The following INSYN2B variants were observed in gnomAD, a reference collection of about 807,000 sequenced individuals.
The protein encoded by INSYN2B is protein INSYN2B.
In INSYN2B, 16 loss-of-function variants were observed where a neutral mutation model predicts 41.2. That is an observed-to-expected ratio of 0.39 (90% confidence interval 0.26 to 0.59). INSYN2B has a LOEUF of 0.59. Among genes scored for constraint, INSYN2B ranks in the 20% least tolerant of loss-of-function variants. INSYN2B has a pLI of 0.57. For missense variants in INSYN2B, 608 were observed against 646.4 expected, an observed-to-expected ratio of 0.94 and a Z score of 0.64; for synonymous variants, 245 against 244.4, an observed-to-expected ratio of 1.00 and a Z score of -0.02.
chr5:169,966,777 G>A (rs1487397968), intron 1 of INSYN2B, among the ~76,000 whole-genome samples: 1 of 152,150 alleles, frequency 6.6e-6, no homozygotes, highest in African/African-American at 2.4e-5. Context: ...GAATGGCCAG[G>A]ACTCCATGAG....
chr5:169,891,118 A>G (rs758675704), intron 1 of INSYN2B, among the ~76,000 whole-genome samples: 1 of 152,044 alleles, frequency 6.6e-6, no homozygotes, highest in African/African-American at 2.4e-5. Context: ...TTTCTGTGAC[A>G]TGGTCCCTGG....
intron 1 of INSYN2B, among the ~76,000 whole-genome samples, chr5:169,905,182 C>A (rs1774208492): frequency 2.0e-5 from 3 of 152,128 alleles, no homozygotes; most frequent in African/African-American, 7.2e-5. Context: ...GTGGGTGAAG[C>A]CAGCTGGGAG....
chr5:169,889,976 C>T (rs1196452243), intron 1 of INSYN2B, among the ~76,000 whole-genome samples: 2 of 151,018 alleles, frequency 1.3e-5, no homozygotes, highest in African/African-American at 5.0e-5. Context: ...TTACTGTTTA[C>T]ACCACACTTT....
chr5:169,963,611 A>T (rs1351267758), intron 1 of INSYN2B, among the ~76,000 whole-genome samples: 1 of 152,142 alleles, frequency 6.6e-6, no homozygotes, highest in Admixed American at 6.5e-5. Context: ...TCCGGTGCAC[A>T]TCAAAGCAGG....
At chr5:169,964,508 T>C (rs1777221408) in intron 1 of INSYN2B, among the ~76,000 whole-genome samples, 1 of 152,238 alleles carries the variant, frequency 6.6e-6, no homozygotes, top group African/African-American at 2.4e-5. Context: ...GGCGGCCCTG[T>C]GGCCAGCTCT....
In INSYN2B at chr5:169,883,945, A is replaced by T; in HGVS notation, c.-47T>A. On this transcript the variant is annotated 5_prime_UTR_variant, in exon 2 of 4. It removes an upstream start codon present in the reference 5' UTR. Transcript: ENST00000377365. ...AGGACCATACACTTCTCCTAGGCACATCTCCCCTTAGGTCTTTGGAGCAGT... is the reference window on the plus strand; with the variant it reads ...AGGACCATACACTTCTCCTAGGCACTTCTCCCCTTAGGTCTTTGGAGCAGT... 2 of 1,436,362 alleles carry T rather than the reference A, an allele frequency of 1.4e-6. No homozygotes were observed. Among genetic ancestry groups the T allele is most frequent in the Non-Finnish European group, 1.8e-6 (2 of 1,088,440 alleles). The allele number at this position is 1,436,362 out of a possible 1,614,324, so 89.0% of individuals were successfully genotyped here.
intron 1 of INSYN2B, among the ~76,000 whole-genome samples, chr5:169,904,863 A>C (rs1171265916): frequency 6.6e-6 from 1 of 152,104 alleles, no homozygotes; most frequent in Non-Finnish European, 1.5e-5. Flanking sequence ...AGACTATGGC[A>C]CCTTCACTGC....
chr5:169,870,310 A>G (rs1172014143), intron 3 of INSYN2B, among the ~76,000 whole-genome samples: 1 of 152,178 alleles, frequency 6.6e-6, no homozygotes, highest in Non-Finnish European at 1.5e-5. Flanking sequence ...AAGCAGAAAG[A>G]TGTTTTTCTA....
chr5:169,951,227 C>T (rs899584744), intron 1 of INSYN2B, among the ~76,000 whole-genome samples: 14 of 152,206 alleles, frequency 9.2e-5, no homozygotes, highest in African/African-American at 3.4e-4. Flanking sequence ...TGTGGGAAGA[C>T]TTTGGGCTTT....
At chr5:169,942,845 G>T (rs1776296400) in intron 1 of INSYN2B, among the ~76,000 whole-genome samples, 1 of 152,194 alleles carries the variant, frequency 6.6e-6, no homozygotes, top group African/African-American at 2.4e-5. Flanking sequence ...CTTCCTTTCA[G>T]CCTTGACCAC....
chr5:169,963,397 T>C (rs989834770), intron 1 of INSYN2B, among the ~76,000 whole-genome samples: 5 of 152,148 alleles, frequency 3.3e-5, no homozygotes, highest in Non-Finnish European at 7.4e-5. Context: ...TCCCTCCCCA[T>C]CCAGAGAGTC....
intron 1 of INSYN2B, among the ~76,000 whole-genome samples, chr5:169,906,402 T>A (rs1171684425): frequency 6.6e-6 from 1 of 152,200 alleles, no homozygotes; most frequent in Non-Finnish European, 1.5e-5. Context: ...CCACCATCAT[T>A]TGGGCTTGGT....
chr5:169,963,855 G>C (rs1777190653), intron 1 of INSYN2B, among the ~76,000 whole-genome samples: 1 of 152,110 alleles, frequency 6.6e-6, no homozygotes, highest in South Asian at 2.1e-4. Context: ...ATAGACCGCT[G>C]GGCCTACCCC....
chr5:169,938,684 C>A (rs552325664), intron 1 of INSYN2B, among the ~76,000 whole-genome samples: 22 of 152,232 alleles, frequency 1.4e-4, no homozygotes, highest in African/African-American at 5.3e-4. Context: ...TGTAGACTAT[C>A]AACACTGTAC....
At chr5:169,892,629 T>G (rs1489132212) in intron 1 of INSYN2B, among the ~76,000 whole-genome samples, 1 of 152,202 alleles carries the variant, frequency 6.6e-6, no homozygotes, top group African/African-American at 2.4e-5. Context: ...AACCCTCTAA[T>G]TGCATTTGTC....
At chr5:169,905,052 G>A (rs1561811859) in intron 1 of INSYN2B, among the ~76,000 whole-genome samples, 1 of 152,184 alleles carries the variant, frequency 6.6e-6, no homozygotes, top group Admixed American at 6.5e-5. Context: ...CTCTCATGGG[G>A]CTGAGGTCAG....
intron 1 of INSYN2B, among the ~76,000 whole-genome samples, chr5:169,905,643 G>A (rs539843373): frequency 1.4e-4 from 21 of 152,282 alleles, no homozygotes; most frequent in Non-Finnish European, 2.5e-4. Flanking sequence ...AGGGATGGGT[G>A]TGGGGTAGGC....
intron 1 of INSYN2B, among the ~76,000 whole-genome samples, chr5:169,907,288 C>T (rs755354679): frequency 2.6e-5 from 4 of 152,174 alleles, no homozygotes; most frequent in Non-Finnish European, 4.4e-5. Flanking sequence ...CAGATGAACA[C>T]GCCCAATTTT....
chr5:169,976,420 G>A (rs1345111159), intron 1 of INSYN2B, among the ~76,000 whole-genome samples: 1 of 152,160 alleles, frequency 6.6e-6, no homozygotes, highest in Non-Finnish European at 1.5e-5. Context: ...ACAGGATTCA[G>A]TAACTGCTGT....
Sources: allele counts gnomAD v4.1 joint callset (sites outside exome capture counted in the v4.1 genomes callset), GRCh38; gene constraint gnomAD v4.1.1; transcripts MANE v1.5; gene names NCBI Gene and HGNC (gene_info 2026-07-23, HGNC 2026-07-21).